The following PCDHGA1 variants were observed in gnomAD, a reference collection of about 807,000 sequenced individuals.
The protein encoded by PCDHGA1 is protocadherin gamma-A1.
PCDHGA1 carries 32 observed loss-of-function variants against 58.0 expected under a neutral mutation model. The observed-to-expected ratio is 0.55, with a 90% CI of 0.42 to 0.74. The LOEUF is 0.74. PCDHGA1 is among the 30% of genes least tolerant of loss of function. The probability of loss-of-function intolerance (pLI) is 0.00; values close to 1 mark genes in which losing one functional copy is unlikely to be tolerated. For missense variants in PCDHGA1, 1,205 were observed against 1,182.3 expected, an observed-to-expected ratio of 1.02 and a Z score of -0.28; for synonymous variants, 498 against 501.1, an observed-to-expected ratio of 0.99 and a Z score of 0.08.
chr5:141,478,520 G>A, intron 1 of PCDHGA1: 1 of 1,610,510 alleles, frequency 6.2e-7, no homozygotes, highest in Non-Finnish European at 8.5e-7. Context: ...GCAGGTGTTG[G>A]GTGCAGAGAG....
intron 1 of PCDHGA1, chr5:141,360,456 T>C: frequency 6.2e-7 from 1 of 1,613,990 alleles, no homozygotes; most frequent in Non-Finnish European, 8.5e-7. Flanking sequence ...TGGATTTCGA[T>C]ACTGTCGCTG....
rs751153896 is a variant in PCDHGA1, at chr5:141,477,514, T to C, written c.2422-17293T>C. On this transcript the variant is annotated intron_variant, in intron 1 of 3. Transcript: ENST00000517417. The surrounding 1 kb of genome is among the most constrained non-coding windows in gnomAD (Gnocchi z 4.9). ...CTCAATCTTCCTACGACGTTTACAT[T>C]GAAGAAAACAACCTCCCCGGGGCTC... is the stretch of plus-strand genomic sequence containing the variant. 2 of 1,614,114 alleles carry C rather than the reference T, an allele frequency of 1.2e-6. No individual in the cohort carries two copies. The highest frequency in any genetic ancestry group is 2.2e-5 in the East Asian group (1 of 44,878).
chr5:141,344,191 G>A (rs1281454137), intron 1 of PCDHGA1: 2 of 1,613,900 alleles, frequency 1.2e-6, no homozygotes, highest in East Asian at 2.2e-5. Flanking sequence ...AACGACCTGG[G>A]GCTAGAGCCC....
intron 1 of PCDHGA1, chr5:141,400,772 G>T: frequency 1.8e-6 from 1 of 570,264 alleles, no homozygotes. Context: ...AAAACATTTG[G>T]TGCGTTTTTT....
chr5:141,421,338 A>G (rs560707757), intron 1 of PCDHGA1: 2 of 1,613,966 alleles, frequency 1.2e-6, no homozygotes, highest in Non-Finnish European at 1.7e-6. Context: ...ATTCGGTGCC[A>G]GAAGAGACCG....
intron 1 of PCDHGA1, chr5:141,390,425 G>A (rs908766072): frequency 9.6e-7 from 1 of 1,042,070 alleles, no homozygotes. Flanking sequence ...TTAAAAAGCT[G>A]TCATATCATT....
At chr5:141,475,071 C>T (rs1198043142) in intron 1 of PCDHGA1, among the ~76,000 whole-genome samples, 2 of 152,198 alleles carry the variant, frequency 1.3e-5, no homozygotes, top group Non-Finnish European at 2.9e-5. Context: ...AGCTTTGCTG[C>T]CATTATTTCA....
chr5:141,491,537 C>T lies in PCDHGA1; in HGVS notation c.2422-3270C>T, dbSNP rs1330469043. The T allele has an allele frequency of 3.1e-6, 5 of 1,613,908 alleles. No homozygotes were observed. The highest frequency in any genetic ancestry group is 4.2e-6 in the Non-Finnish European group (5 of 1,180,020). On this transcript the variant is annotated intron_variant, in intron 1 of 3. Transcript: ENST00000517417. This position sits in a 1 kb window ranked among gnomAD's most constrained non-coding sequence, Gnocchi z 6.9. ...AAGTACATGGAGGTGACGCTGCGGC[C>T]CACAGACTCGCAGAGCCACTGCTAC...
intron 1 of PCDHGA1, among the ~76,000 whole-genome samples, chr5:141,492,165 C>T (rs932762928): frequency 1.4e-4 from 22 of 152,210 alleles, no homozygotes; most frequent in African/African-American, 4.8e-4. Context: ...TCCCTATCCC[C>T]GCATCACCCA....
intron 1 of PCDHGA1, chr5:141,371,902 C>T: frequency 6.2e-7 from 1 of 1,613,404 alleles, no homozygotes; most frequent in Non-Finnish European, 8.5e-7. Flanking sequence ...GAGCTGTCGT[C>T]CTACGTGTCC....
intron 1 of PCDHGA1, among the ~76,000 whole-genome samples, chr5:141,454,796 ATTTTTTTTTTTTTT>A (rs61612330): frequency 5.2e-5 from 4 of 77,408 alleles, no homozygotes; most frequent in Non-Finnish European, 9.3e-5. Flanking sequence ...CATGGTTCTA[ATTTTTTTTTTTTTT>A]TTTTTTTTTT....
rs753664223 is a variant in PCDHGA1 at position 141,410,518 on chromosome 5, C to G, written c.2421+77413C>G. 5.0e-6 allele frequency: 8 copies of G among 1,613,820 alleles called. No homozygotes were observed. In the East Asian group the frequency reaches 1.8e-4, roughly 36 times the overall value. On this transcript the variant is annotated intron_variant, in intron 1 of 3. Coordinates refer to ENST00000517417, the MANE Select transcript of PCDHGA1 (RefSeq NM_018912.3). ...TTAATTTCCTAAAATGCAGTGTGCC[C>G]CTACATTCCAATGAAGACATGGTTT...
intron 1 of PCDHGA1, chr5:141,400,414 C>G: frequency 6.2e-7 from 1 of 1,614,058 alleles, no homozygotes; most frequent in African/African-American, 1.3e-5. Flanking sequence ...GTTTAATTTC[C>G]TAAAATGTAG....
chr5:141,430,809 G>A (rs949727881), intron 1 of PCDHGA1: 5 of 1,527,014 alleles, frequency 3.3e-6, no homozygotes, highest in Non-Finnish European at 4.4e-6. Context: ...GTCCTGCTGG[G>A]AATCCTCCTG....
chr5:141,394,365 C>T (rs1451388519), intron 1 of PCDHGA1: 1 of 1,614,212 alleles, frequency 6.2e-7, no homozygotes, highest in South Asian at 1.1e-5. Context: ...GTATGCGCTG[C>T]AATCTTTCGA....
chr5:141,345,024 G>T (rs72790006), intron 1 of PCDHGA1: 42,587 of 1,613,916 alleles, frequency 0.026, 730 homozygotes, highest in East Asian at 0.041. Context: ...TCTTTCAAGA[G>T]CCAAGATTCT....
rs1562063782 is a variant in PCDHGA1, at chr5:141,477,676, A to G, written c.2422-17131A>G. ...TAAATCGTGACAATGGCATAGTGTC[A>G]TCCTTAGTGCCCCTAGACTATGAGG... On this transcript the variant is annotated intron_variant, in intron 1 of 3. Coordinates refer to ENST00000517417, the MANE Select transcript of PCDHGA1 (RefSeq NM_018912.3). This position sits in a 1 kb window ranked among gnomAD's most constrained non-coding sequence, Gnocchi z 4.9. The G allele has an allele frequency of 1.2e-6, 2 of 1,614,194 alleles. No homozygotes were observed. The highest frequency in any genetic ancestry group is 1.7e-6 in the Non-Finnish European group (2 of 1,180,046).
At chr5:141,374,816 C>T (rs771806207) in intron 1 of PCDHGA1, 1 of 1,613,964 alleles carries the variant, frequency 6.2e-7, no homozygotes, top group East Asian at 2.2e-5. Flanking sequence ...GTTTACTCAG[C>T]CTGTCTACCG....
Position 141,491,466 on chromosome 5 carries a change from T to G in PCDHGA1, c.2422-3341T>G. The G allele has an allele frequency of 6.2e-7, 1 of 1,614,068 alleles. No individual in the cohort carries two copies. Among genetic ancestry groups the G allele is most frequent in the Non-Finnish European group, 8.5e-7 (1 of 1,179,986 alleles). ...AGGACTCACCCTCCCCGGACTTCTA[T>G]AAGCAGTCCAGCCCCAACCTGCAGG... On this transcript the variant is annotated intron_variant, in intron 1 of 3. Coordinates refer to ENST00000517417, the MANE Select transcript of PCDHGA1 (RefSeq NM_018912.3). This position sits in a 1 kb window ranked among gnomAD's most constrained non-coding sequence, Gnocchi z 6.9.
Sources: gnomAD v4.1 joint callset for allele counts (sites outside exome capture counted in the v4.1 genomes callset) on GRCh38, gnomAD v4.1.1 for gene constraint, Gnocchi (gnomAD v3.1) non-coding constraint, MANE v1.5 for transcripts, NCBI Gene and HGNC (gene_info 2026-07-23, HGNC 2026-07-21) for gene names.